FGL1: variants seen among roughly 807,000 people sequenced by gnomAD.
The protein encoded by FGL1 is fibrinogen-like protein 1.
Under a neutral mutation model 43.7 loss-of-function variants are expected in FGL1, and 59 were observed. The observed-to-expected ratio is 1.35, with a 90% CI of 1.10 to 1.68. The LOEUF (loss-of-function observed/expected upper bound fraction) is 1.68. Ranked by LOEUF, FGL1 falls within the 40% of genes most tolerant of loss-of-function variation. FGL1 has a pLI of 0.00. For synonymous variants in FGL1, 192 were observed against 126.5 expected, an observed-to-expected ratio of 1.52 and a Z score of -3.48; for missense variants, 596 against 373.0, an observed-to-expected ratio of 1.60 and a Z score of -4.92.
chr8:17,875,575 T>C (rs1197304361), intron 3 of FGL1, among the ~76,000 whole-genome samples: 8 of 23,494 alleles, frequency 3.4e-4, no homozygotes, highest in African/African-American at 7.0e-4. Context: ...CTTTCTTTCT[T>C]TCTTTCTTTC....
chr8:17,870,001 T>C (rs2053333480), intron 5 of FGL1, among the ~76,000 whole-genome samples: 1 of 152,024 alleles, frequency 6.6e-6, no homozygotes, highest in South Asian at 2.1e-4. Context: ...TCCCAGCTAC[T>C]TGGGAGGCTG....
Position 17,874,069 on chromosome 8 carries a change from T to C in FGL1, c.452A>G (p.His151Arg), listed in dbSNP as rs1434213979. 3 of 1,612,084 alleles carry C rather than the reference T, an allele frequency of 1.9e-6. No individual in the cohort carries two copies. The highest frequency in any genetic ancestry group is 3.3e-4 in the Middle Eastern group (2 of 6,058). Residue 151 changes from histidine to arginine, a missense_variant, in exon 5 of 8, where the codon CAT becomes CGT. Physicochemically the swap from His to Arg is conservative, Grantham distance 29 (BLOSUM62 0). Transcript: ENST00000427924. ...ENGFGNFVQK[H>R]GEYWLGNKNL... ...TTTATTGCCCAGCCAATATTCACCA[T>C]GTTTTTGGACAAAATTTCCAAAGCC...
chr8:17,892,483 T>C (rs541900673), intron 1 of FGL1, among the ~76,000 whole-genome samples: 1 of 152,114 alleles, frequency 6.6e-6, no homozygotes, highest in Admixed American at 6.5e-5. Flanking sequence ...GGGAAAATTG[T>C]TTGCCTAAAG....
At chr8:17,886,911 C>T (rs1251221934) in intron 1 of FGL1, among the ~76,000 whole-genome samples, 1 of 152,122 alleles carries the variant, frequency 6.6e-6, no homozygotes, top group Non-Finnish European at 1.5e-5. Flanking sequence ...GGATTGGAGG[C>T]ACTGCTAGCT....
chr8:17,866,167 G>T (rs1247678582), intron 7 of FGL1, among the ~76,000 whole-genome samples: 1 of 152,150 alleles, frequency 6.6e-6, no homozygotes, highest in African/African-American at 2.4e-5. Flanking sequence ...ATGAACATAA[G>T]AAACCTTCAC....
In FGL1 at chr8:17,868,654, A is replaced by G; in HGVS notation, c.673T>C (p.Trp225Arg). Residue 225 changes from tryptophan (W) to arginine (R), a missense_variant, in exon 7 of 8, where the codon TGG becomes CGG. By Grantham distance (101) the Trp-to-Arg change is moderately radical (BLOSUM62 -3). Transcript: ENST00000427924. ...LAGNFHPEVQ[W>R]WASHQRMKFS... ...TTCATTCTTTGGTGACTAGCCCACCACTGCACCTCAGGATGAAAATTCCCC... is the reference window on the plus strand; with the variant it reads ...TTCATTCTTTGGTGACTAGCCCACCGCTGCACCTCAGGATGAAAATTCCCC... The G allele has an allele frequency of 2.5e-6, 4 of 1,614,110 alleles. No individual in the cohort carries two copies. The highest frequency in any genetic ancestry group is 3.4e-6 in the Non-Finnish European group (4 of 1,179,990).
chr8:17,892,397 A>G (rs1563464337), intron 1 of FGL1, among the ~76,000 whole-genome samples: 1 of 152,194 alleles, frequency 6.6e-6, no homozygotes, highest in Non-Finnish European at 1.5e-5. Flanking sequence ...CCCCGAGACT[A>G]GAACATGCAG....
chr8:17,867,267 A>C (rs1180474739), intron 7 of FGL1, among the ~76,000 whole-genome samples: 1 of 152,198 alleles, frequency 6.6e-6, no homozygotes, highest in Non-Finnish European at 1.5e-5. Flanking sequence ...CGAGCAGATA[A>C]AGAAAATAAA....
At chr8:17,875,964 G>A (rs2053450199) in intron 3 of FGL1, among the ~76,000 whole-genome samples, 1 of 152,088 alleles carries the variant, frequency 6.6e-6, no homozygotes, top group Non-Finnish European at 1.5e-5. Context: ...TACCCATTGG[G>A]TCTCACCTAG....
intron 3 of FGL1, among the ~76,000 whole-genome samples, chr8:17,878,577 A>G (rs191783420): frequency 4.4e-4 from 67 of 152,330 alleles, no homozygotes; most frequent in African/African-American, 1.5e-3. Flanking sequence ...TGAATTTGAC[A>G]CAGTAACCTT....
chr8:17,888,772 G>C (rs2053664321), intron 1 of FGL1, among the ~76,000 whole-genome samples: 1 of 152,088 alleles, frequency 6.6e-6, no homozygotes, highest in Non-Finnish European at 1.5e-5. Context: ...CTGAATTACA[G>C]TGGGAAAATA....
At chr8:17,874,321 T>C in intron 4 of FGL1, 41 bp downstream of exon 4, 1 of 1,582,230 alleles carries the variant, frequency 6.3e-7, no homozygotes, top group Non-Finnish European at 8.6e-7. Context: ...AAATCTCACA[T>C]TTGCTGCTAC....
intron 5 of FGL1, among the ~76,000 whole-genome samples, chr8:17,869,411 A>G (rs1246111961): frequency 6.6e-6 from 1 of 152,238 alleles, no homozygotes; most frequent in Non-Finnish European, 1.5e-5. Context: ...GGTGGCTATT[A>G]ATGACATTGT....
chr8:17,885,799 T>C (rs1177799999), intron 1 of FGL1: 7 of 480,108 alleles, frequency 1.5e-5, no homozygotes, highest in Non-Finnish European at 2.6e-5. Flanking sequence ...GGAAGGACTC[T>C]GGTTCTTTTC....
At chr8:17,877,127 A>G (rs1314341246) in intron 3 of FGL1, among the ~76,000 whole-genome samples, 1 of 152,216 alleles carries the variant, frequency 6.6e-6, no homozygotes, top group Admixed American at 6.5e-5. Flanking sequence ...TAAAATATGA[A>G]CTTGATATTT....
chr8:17,889,770 T>C (rs763432751), intron 1 of FGL1, among the ~76,000 whole-genome samples: 7 of 152,242 alleles, frequency 4.6e-5, no homozygotes, highest in Non-Finnish European at 1.0e-4. Context: ...TATGTTGAAC[T>C]ATAAGAAATG....
chr8:17,865,562 C>T (rs979101462), intron 7 of FGL1, among the ~76,000 whole-genome samples: 18 of 152,152 alleles, frequency 1.2e-4, no homozygotes, highest in African/African-American at 4.3e-4. Context: ...TAATTTTTTA[C>T]ATATATTGCA....
intron 3 of FGL1, among the ~76,000 whole-genome samples, chr8:17,879,327 T>A (rs554493016): frequency 6.6e-6 from 1 of 152,212 alleles, no homozygotes; most frequent in African/African-American, 2.4e-5. Context: ...GGTGACCCCT[T>A]ACTTCCCAAA....
chr8:17,876,629 G>A (rs1254309764), intron 3 of FGL1, among the ~76,000 whole-genome samples: 1 of 152,170 alleles, frequency 6.6e-6, no homozygotes, highest in African/African-American at 2.4e-5. Flanking sequence ...TTGTAGTCAA[G>A]TATATAGTAC....
Sources: allele counts gnomAD v4.1 joint callset (sites outside exome capture counted in the v4.1 genomes callset), GRCh38; gene constraint gnomAD v4.1.1; transcripts MANE v1.5; gene names NCBI Gene and HGNC (gene_info 2026-07-23, HGNC 2026-07-21).